The following CACNA2D1 variants were observed in gnomAD, a reference collection of about 807,000 sequenced individuals.
The protein encoded by CACNA2D1 is calcium voltage-gated channel auxiliary subunit alpha2delta 1, also known as voltage-dependent calcium channel subunit alpha-2/delta-1.
In CACNA2D1, 53 loss-of-function variants were observed where a neutral mutation model predicts 171.5. The ratio of observed to expected loss-of-function variants is 0.31; its 90% CI spans 0.25 to 0.39. CACNA2D1 has a LOEUF of 0.39. Among genes scored for constraint, CACNA2D1 ranks in the 10% least tolerant of loss-of-function variants. CACNA2D1 has a pLI of 1.00. For synonymous variants in CACNA2D1, 442 were observed against 443.1 expected, an observed-to-expected ratio of 1.00 and a Z score of 0.03; for missense variants, 903 against 1,299.8, an observed-to-expected ratio of 0.69 and a Z score of 4.69.
intron 15 of CACNA2D1, 75 bp downstream of exon 15, chr7:82,012,079 T>C: frequency 2.2e-6 from 2 of 917,954 alleles, no homozygotes. Flanking sequence ...AACAGAGACA[T>C]CATCTAGAAA....
intron 3 of CACNA2D1, among the ~76,000 whole-genome samples, chr7:82,262,767 T>C (rs919220846): frequency 2.6e-5 from 4 of 152,122 alleles, no homozygotes; most frequent in African/African-American, 9.7e-5. Flanking sequence ...AAGGCAGTTA[T>C]TGAAGCTAAA....
At chr7:81,988,330 T>C (rs1447989741) in intron 21 of CACNA2D1, among the ~76,000 whole-genome samples, 1 of 152,136 alleles carries the variant, frequency 6.6e-6, no homozygotes, top group Non-Finnish European at 1.5e-5. Context: ...TGTATACACA[T>C]AAAGATTGTG....
chr7:81,960,009 C>T (rs188114396), intron 36 of CACNA2D1, among the ~76,000 whole-genome samples, 180 bp from the exon 37 acceptor site: 8 of 152,066 alleles, frequency 5.3e-5, no homozygotes, highest in South Asian at 4.1e-4. Context: ...TTAGCATGAA[C>T]GTATTACCTA....
At chr7:82,157,662 G>C (rs143506797) in intron 4 of CACNA2D1, among the ~76,000 whole-genome samples, 100 of 152,018 alleles carry the variant, frequency 6.6e-4, no homozygotes, top group African/African-American at 2.2e-3. Flanking sequence ...ACGTTATCTT[G>C]AATATATGAT....
intron 6 of CACNA2D1, among the ~76,000 whole-genome samples, chr7:82,116,634 G>C (rs1426969693): frequency 2.0e-5 from 3 of 152,172 alleles, no homozygotes; most frequent in Non-Finnish European, 4.4e-5. Context: ...ATAAGAACTG[G>C]AAAGAATCTG....
chr7:82,119,717 T>A (rs551802125), intron 5 of CACNA2D1, among the ~76,000 whole-genome samples: 3 of 152,232 alleles, frequency 2.0e-5, no homozygotes, highest in Admixed American at 6.5e-5. Context: ...TGCAAACTGA[T>A]AAACTTTGCT....
intron 7 of CACNA2D1, among the ~76,000 whole-genome samples, chr7:82,072,373 T>C (rs953940572): frequency 3.9e-4 from 59 of 152,092 alleles, no homozygotes; most frequent in African/African-American, 1.4e-3. Flanking sequence ...AGTAAAAAAC[T>C]TTTTAAAAGT....
chr7:82,347,616 C>G (rs1005801104), intron 2 of CACNA2D1, among the ~76,000 whole-genome samples: 1 of 152,080 alleles, frequency 6.6e-6, no homozygotes, highest in East Asian at 1.9e-4. Flanking sequence ...TGAGGCAATA[C>G]GGAATCATCT....
At chr7:81,982,860 G>T in intron 23 of CACNA2D1, 1 of 589,388 alleles carries the variant, frequency 1.7e-6, no homozygotes, top group Non-Finnish European at 3.0e-6. Context: ...TTATTTCAAA[G>T]AAAATGCTAT....
chr7:82,428,008 G>A (rs946011229), intron 1 of CACNA2D1, among the ~76,000 whole-genome samples: 1 of 151,908 alleles, frequency 6.6e-6, no homozygotes, highest in Non-Finnish European at 1.5e-5. Flanking sequence ...GGCCAACATA[G>A]TGAGATACCA....
At chr7:82,125,217 C>T (rs910434671) in intron 5 of CACNA2D1, among the ~76,000 whole-genome samples, 1 of 152,110 alleles carries the variant, frequency 6.6e-6, no homozygotes, top group African/African-American at 2.4e-5. Flanking sequence ...TAAAAAGGAG[C>T]AAATAAATCA....
chr7:82,233,898 T>C (rs902037330), intron 3 of CACNA2D1, among the ~76,000 whole-genome samples: 8 of 152,116 alleles, frequency 5.3e-5, no homozygotes, highest in Non-Finnish European at 1.2e-4. Flanking sequence ...CTGATTATTT[T>C]TTCTAAGTAT....
At chr7:82,391,733 T>A (rs1409551937) in intron 1 of CACNA2D1, among the ~76,000 whole-genome samples, 1 of 152,092 alleles carries the variant, frequency 6.6e-6, no homozygotes, top group African/African-American at 2.4e-5. Flanking sequence ...TTAAGGGAGA[T>A]CTTAAGAACT....
intron 3 of CACNA2D1, among the ~76,000 whole-genome samples, chr7:82,312,886 C>T (rs975483143): frequency 2.6e-5 from 4 of 151,990 alleles, no homozygotes; most frequent in South Asian, 4.2e-4. Flanking sequence ...CCACTGTGCC[C>T]ATTTAAACCG....
At chr7:82,174,067 A>AAAG (rs1563156525) in intron 3 of CACNA2D1, among the ~76,000 whole-genome samples, 1 of 139,708 alleles carries the variant, frequency 7.2e-6, no homozygotes, top group African/African-American at 2.8e-5. Flanking sequence ...AAAAAAAAAA[A>AAAG]AGACACAAAA....
At position 81,965,657 on chromosome 7, in the gene CACNA2D1, A is replaced by G; in HGVS notation, c.2511T>C (p.Asp837=). ...ACCCACCATCATCCAGAATCACACAATCCATTACCTATCAAAATAAAGTGA... is the reference window on the plus strand; with the variant it reads ...ACCCACCATCATCCAGAATCACACAGTCCATTACCTATCAAAATAAAGTGA... ...CDCKRNSDVM[D]CVILDDGGFL... is the part of the protein sequence containing the mutation. Residue 837 remains aspartate, a synonymous_variant, in exon 32 of 39, where the codon GAT becomes GAC. Transcript: ENST00000356860. The G allele has an allele frequency of 6.3e-7, 1 of 1,584,026 alleles. No homozygotes were observed. The highest frequency in any genetic ancestry group is 1.1e-5 in the South Asian group (1 of 90,438).
chr7:81,997,154 GT>G, intron 19 of CACNA2D1, 24 bp downstream of exon 19: 1 of 1,372,558 alleles, frequency 7.3e-7, no homozygotes, highest in Non-Finnish European at 1.0e-6. Flanking sequence ...CTGAGGAATT[GT>G]TTAGTCTTAC....
intron 3 of CACNA2D1, among the ~76,000 whole-genome samples, chr7:82,250,010 G>A (rs1270296466): frequency 6.6e-6 from 1 of 152,356 alleles, no homozygotes; most frequent in East Asian, 1.9e-4. Context: ...TCAAGTCCCA[G>A]AGCATGGTGC....
chr7:82,155,886 A>G (rs573852300), intron 4 of CACNA2D1, among the ~76,000 whole-genome samples: 18 of 152,358 alleles, frequency 1.2e-4, no homozygotes, highest in Admixed American at 5.2e-4. Context: ...AACACAGTCA[A>G]GTAGTCAGTA....
Sources: gnomAD v4.1 joint callset for allele counts (sites outside exome capture counted in the v4.1 genomes callset) on GRCh38, gnomAD v4.1.1 for gene constraint, MANE v1.5 for transcripts, NCBI Gene and HGNC (gene_info 2026-07-23, HGNC 2026-07-21) for gene names.